GRIK2: variants seen among roughly 807,000 people sequenced by gnomAD.
GRIK2 encodes the protein glutamate ionotropic receptor kainate type subunit 2, also known as glutamate receptor ionotropic, kainate 2.
GRIK2 carries 32 observed loss-of-function variants against 100.3 expected under a neutral mutation model. The ratio of observed to expected loss-of-function variants is 0.32; its 90% CI spans 0.24 to 0.43. The LOEUF is 0.43. Ranked by LOEUF, GRIK2 falls within the 20% of genes least tolerant of loss-of-function variation. GRIK2 has a pLI of 1.00. For missense variants in GRIK2, 843 were observed against 1,114.9 expected, an observed-to-expected ratio of 0.76 and a Z score of 3.47; for synonymous variants, 417 against 389.4, an observed-to-expected ratio of 1.07 and a Z score of -0.83.
intron 14 of GRIK2, among the ~76,000 whole-genome samples, chr6:102,002,116 T>C (rs2114264155): frequency 6.6e-6 from 1 of 151,160 alleles, no homozygotes; most frequent in South Asian, 2.1e-4. Flanking sequence ...TCTTTATTCC[T>C]AGATATTTGA....
At chr6:101,765,484 A>T (rs1048445708) in intron 7 of GRIK2, among the ~76,000 whole-genome samples, 3 of 151,140 alleles carry the variant, frequency 2.0e-5, no homozygotes, top group African/African-American at 4.9e-5. Context: ...TGGACACATC[A>T]TTTTTTTTTC....
intron 10 of GRIK2, among the ~76,000 whole-genome samples, chr6:101,839,105 A>G (rs1355262828): frequency 6.6e-6 from 1 of 152,204 alleles, no homozygotes; most frequent in East Asian, 1.9e-4. Context: ...GTTACCTTCA[A>G]ACACAATTTT....
intron 2 of GRIK2, among the ~76,000 whole-genome samples, chr6:101,516,049 A>C (rs952429289): frequency 3.9e-5 from 6 of 151,980 alleles, no homozygotes; most frequent in Non-Finnish European, 8.8e-5. Context: ...TATAGTTTCA[A>C]GTCTTAGGTT....
intron 2 of GRIK2, among the ~76,000 whole-genome samples, chr6:101,617,195 C>T (rs1779929791): frequency 6.6e-6 from 1 of 151,626 alleles, no homozygotes; most frequent in South Asian, 2.1e-4. Context: ...ATGTAAAGTG[C>T]ACACATGATA....
At chr6:101,640,385 G>T (rs759206608) in intron 4 of GRIK2, among the ~76,000 whole-genome samples, 1 of 152,138 alleles carries the variant, frequency 6.6e-6, no homozygotes, top group Non-Finnish European at 1.5e-5. Context: ...AAGTGGCATT[G>T]TTCACTTCCA....
intron 5 of GRIK2, among the ~76,000 whole-genome samples, chr6:101,681,416 T>C (rs1771241668): frequency 6.7e-6 from 1 of 149,820 alleles, no homozygotes; most frequent in Non-Finnish European, 1.5e-5. Context: ...TTTTTTTTTT[T>C]TTTTTTTGTA....
intron 10 of GRIK2, among the ~76,000 whole-genome samples, chr6:101,819,402 G>A (rs982463103): frequency 5.3e-5 from 8 of 152,136 alleles, no homozygotes; most frequent in African/African-American, 1.7e-4. Context: ...TGTCAGATCT[G>A]TAGGCATGTC....
chr6:101,566,840 T>C (rs900582624), intron 2 of GRIK2, among the ~76,000 whole-genome samples: 2 of 146,640 alleles, frequency 1.4e-5, no homozygotes, highest in Non-Finnish European at 1.5e-5. Flanking sequence ...AATAGGCATA[T>C]ACATATAATA....
At chr6:101,878,412 C>A (rs1223198765) in intron 11 of GRIK2, among the ~76,000 whole-genome samples, 2 of 151,376 alleles carry the variant, frequency 1.3e-5, no homozygotes, top group African/African-American at 4.8e-5. Flanking sequence ...GGTAACTGAT[C>A]CCCTTCATAA....
chr6:101,828,347 A>G (rs1175357451), intron 10 of GRIK2, among the ~76,000 whole-genome samples: 4 of 151,872 alleles, frequency 2.6e-5, no homozygotes, highest in African/African-American at 9.7e-5. Context: ...CAAATTAACA[A>G]CCTAATCTCA....
intron 2 of GRIK2, among the ~76,000 whole-genome samples, chr6:101,454,581 T>A (rs1770891023): frequency 6.6e-6 from 1 of 152,106 alleles, no homozygotes; most frequent in Non-Finnish European, 1.5e-5. Flanking sequence ...TAGCAATAGG[T>A]CCAGCCATGA....
intron 14 of GRIK2, among the ~76,000 whole-genome samples, chr6:102,008,800 A>C (rs1795373184): frequency 6.6e-6 from 1 of 152,132 alleles, no homozygotes; most frequent in Non-Finnish European, 1.5e-5. Context: ...AATAGTTACT[A>C]TACAGCCATT....
At chr6:101,681,425 T>C (rs1185148001) in intron 5 of GRIK2, among the ~76,000 whole-genome samples, 1 of 56,940 alleles carries the variant, frequency 1.8e-5, no homozygotes, top group Non-Finnish European at 3.8e-5. Flanking sequence ...TTTTTTTTTG[T>C]AGAGATGGGG....
chr6:101,589,942 C>T (rs1230213921), intron 2 of GRIK2, among the ~76,000 whole-genome samples: 2 of 151,934 alleles, frequency 1.3e-5, no homozygotes, highest in Non-Finnish European at 2.9e-5. Context: ...TAATAATAAC[C>T]TGGATAAAAT....
chr6:101,963,449 C>T (rs1792442817), intron 14 of GRIK2, among the ~76,000 whole-genome samples: 1 of 148,458 alleles, frequency 6.7e-6, no homozygotes, highest in Non-Finnish European at 1.5e-5. Context: ...AGGCGCCTGC[C>T]ACAGCACCTG....
intron 2 of GRIK2, among the ~76,000 whole-genome samples, chr6:101,553,266 C>T (rs1371855388): frequency 6.6e-6 from 1 of 152,060 alleles, no homozygotes; most frequent in Non-Finnish European, 1.5e-5. Context: ...TAAATATTTT[C>T]AGCATTCTCA....
At chr6:101,919,011 T>C (rs1789320947) in intron 12 of GRIK2, among the ~76,000 whole-genome samples, 1 of 151,878 alleles carries the variant, frequency 6.6e-6, no homozygotes, top group South Asian at 2.1e-4. Context: ...AAGAGGACTT[T>C]TCACTTAATA....
intron 9 of GRIK2, among the ~76,000 whole-genome samples, chr6:101,818,034 T>C (rs1781739930): frequency 6.6e-6 from 1 of 152,194 alleles, no homozygotes; most frequent in Non-Finnish European, 1.5e-5. Flanking sequence ...ATAGATCCAT[T>C]ACAGTAAAAG....
chr6:101,508,866 G>A (rs935742887), intron 2 of GRIK2, among the ~76,000 whole-genome samples: 1 of 151,978 alleles, frequency 6.6e-6, no homozygotes, highest in Non-Finnish European at 1.5e-5. Flanking sequence ...CTATAAAATG[G>A]TGTTGTAGGC....
Sources: gnomAD v4.1 joint callset for allele counts (sites outside exome capture counted in the v4.1 genomes callset) on GRCh38, gnomAD v4.1.1 for gene constraint, MANE v1.5 for transcripts, NCBI Gene and HGNC (gene_info 2026-07-23, HGNC 2026-07-21) for gene names.